Variants in MBD3 observed in about 807,000 individuals in gnomAD.
MBD3 encodes methyl-CpG-binding domain protein 3.
In MBD3, 13 loss-of-function variants were observed where a neutral mutation model predicts 31.2. The ratio of observed to expected loss-of-function variants is 0.42; its 90% CI spans 0.27 to 0.66. MBD3 has a LOEUF of 0.66. MBD3 is among the 30% of genes least tolerant of loss of function. The pLI, the probability that MBD3 is intolerant of heterozygous loss-of-function variation, is 0.26. For missense variants in MBD3, 440 were observed against 426.5 expected (o/e 1.03, Z -0.28); for synonymous variants, 223 against 187.4 (o/e 1.19, Z -1.55).
Position 1,574,657 on chromosome 19 carries a change from G to C in MBD3, c.*3507C>G, listed in dbSNP as rs572215586. 54 of 153,228 alleles carry C rather than the reference G, an allele frequency of 3.5e-4. No homozygotes were observed. Among genetic ancestry groups the C allele is most frequent in the African/African-American group, 1.2e-3 (49 of 41,580 alleles). The allele number at this position is 153,228 out of a possible 1,614,324, so 9.5% of individuals were successfully genotyped here. On this transcript the variant is annotated 3_prime_UTR_variant, in exon 7 of 7. Coordinates refer to ENST00000434436, the MANE Select transcript of MBD3 (RefSeq NM_001281453.2). ...CCTTGAATCTGGAGCGAGTGTGACA[G>C]AATCTCACAGGCAGTGCCCAGCCAC... is the stretch of plus-strand genomic sequence containing the variant.
At position 1,578,020 on chromosome 19, in the gene MBD3, C is replaced by G; in HGVS notation, c.*144G>C. The G allele has an allele frequency of 2.1e-6, 1 of 481,422 alleles. No individual in the cohort carries two copies. The highest frequency in any genetic ancestry group is 3.4e-5 in the Admixed American group (1 of 29,030). The allele number at this position is 481,422 out of a possible 1,614,324, so 29.8% of individuals were successfully genotyped here. Reference sequence around the variant, plus strand: ...CGAGGCCCCGGGAAGTGGGGACGGGCCGAGGAGGGAGCCAGGAGCACGGCC... The same window carrying G: ...CGAGGCCCCGGGAAGTGGGGACGGGGCGAGGAGGGAGCCAGGAGCACGGCC... On this transcript the variant is annotated 3_prime_UTR_variant, in exon 7 of 7. Transcript: ENST00000434436. This position sits in a 1 kb window ranked among gnomAD's most constrained non-coding sequence, Gnocchi z 6.1.
intron 4 of MBD3, 81 bp from the exon 5 acceptor site, chr19:1,581,350 C>A: frequency 2.1e-6 from 3 of 1,437,514 alleles, no homozygotes; most frequent in Non-Finnish European, 2.9e-6. Flanking sequence ...CGGAAATGCC[C>A]CAAGAATGGG....
At chr19:1,582,158 C>T (rs1599342310) in intron 4 of MBD3, among the ~76,000 whole-genome samples, 2 of 151,924 alleles carry the variant, frequency 1.3e-5, no homozygotes, top group East Asian at 1.9e-4. Context: ...TGCCCCAGCC[C>T]CGCCAAGTGC....
At chr19:1,579,791 A>AT (rs1202319267) in intron 5 of MBD3, among the ~76,000 whole-genome samples, 4 of 151,904 alleles carry the variant, frequency 2.6e-5, no homozygotes, top group African/African-American at 9.7e-5. Flanking sequence ...TTCTTATTTT[A>AT]TTTTTTTAAC....
In MBD3 at chr19:1,592,671, C is replaced by G. The variant is rs1233916840; in HGVS notation, c.-40G>C. 1.1e-6 allele frequency: 1 copy of G among 870,656 alleles called. No individual in the cohort carries two copies. Among genetic ancestry groups the G allele is most frequent in the Non-Finnish European group, 1.5e-6 (1 of 684,028 alleles). 53.9% of individuals were successfully genotyped at this position (870,656 alleles called of 1,614,324 possible). On this transcript the variant is annotated 5_prime_UTR_variant, in exon 1 of 7. Coordinates refer to ENST00000434436, the MANE Select transcript of MBD3 (RefSeq NM_001281453.2). Reference sequence around the variant, plus strand: ...CGGCCCGCCGCCGGGCCCGCCGCCGCCGCCCGGACCCCCACTCGCCGCCGC... The same window carrying G: ...CGGCCCGCCGCCGGGCCCGCCGCCGGCGCCCGGACCCCCACTCGCCGCCGC...
Position 1,585,358 on chromosome 19 carries a change from C to A in MBD3, c.111-144G>T. The A allele has an allele frequency of 1.1e-6, 1 of 875,618 alleles. No homozygotes were observed. Among genetic ancestry groups the A allele is most frequent in the South Asian group, 1.7e-5 (1 of 59,322 alleles). The allele number at this position is 875,618 out of a possible 1,614,324, so 54.2% of individuals were successfully genotyped here. On this transcript the variant is annotated intron_variant, in intron 1 of 6. Transcript: ENST00000434436. This position sits in a 1 kb window ranked among gnomAD's most constrained non-coding sequence, Gnocchi z 4.1. ...CCCCAACACGGCCCTGACCCCAAAC[C>A]CAGGCAGGCCCTGGCCCCAGCCCCA...
intron 2 of MBD3, 75 bp from the exon 3 acceptor site, chr19:1,584,752 GGTGACCCCCTGCTTTGCCGGCGCCCCTC>G: frequency 1.4e-6 from 2 of 1,475,038 alleles, no homozygotes; most frequent in Non-Finnish European, 1.8e-6. Context: ...GCGGGGCCCG[GGTGACCCCCTGCTTTGCCGGCGCCCCTC>G]GTGTCCCCCG....
In MBD3 at chr19:1,578,076, C is replaced by T. The variant is rs982605905; in HGVS notation, c.*88G>A. On this transcript the variant is annotated 3_prime_UTR_variant, in exon 7 of 7. Coordinates refer to ENST00000434436, the MANE Select transcript of MBD3 (RefSeq NM_001281453.2). The surrounding 1 kb of genome is among the most constrained non-coding windows in gnomAD (Gnocchi z 6.1). The stretch of plus-strand genomic sequence containing the variant: ...CCTGGGTGTCTCCAAGGCTGGGCTT[C>T]GCCGCCGAGCCTGGTTCACGTGGGG... 9 of 543,330 alleles carry T rather than the reference C, an allele frequency of 1.7e-5. No individual in the cohort carries two copies. The highest frequency in any genetic ancestry group is 5.9e-5 in the African/African-American group (3 of 51,036). The allele number at this position is 543,330 out of a possible 1,614,324, so 33.7% of individuals were successfully genotyped here. A position where few individuals can be genotyped will look rare whatever the true frequency, so the allele number is the denominator to read the frequency against.
At chr19:1,580,182 G>A (rs531915555) in intron 5 of MBD3, among the ~76,000 whole-genome samples, 16 of 152,194 alleles carry the variant, frequency 1.1e-4, no homozygotes, top group Admixed American at 2.6e-4. Context: ...CTCTGAGCGC[G>A]CAGAGAGTGT....
chr19:1,581,585 T>G (rs958146370), intron 4 of MBD3: 7 of 437,044 alleles, frequency 1.6e-5, no homozygotes, highest in African/African-American at 8.1e-5. Context: ...CTCTACAAAA[T>G]AATTCAAAAA....
rs765993045 is a variant in MBD3 at position 1,592,646 on chromosome 19, C to CGGCCCGCCGCCG, written c.-27_-16dup. ...TTCCGCTCCATTGCGCCCGGCTCCT[C>CGGCCCGCCGCCG]GGCCCGCCGCCGGGCCCGCCGCCGC... On this transcript the variant is annotated 5_prime_UTR_variant, in exon 1 of 7. Transcript: ENST00000434436. 31 of 1,181,528 alleles carry CGGCCCGCCGCCG rather than the reference C, an allele frequency of 2.6e-5. No individual in the cohort carries two copies. Among genetic ancestry groups the CGGCCCGCCGCCG allele is most frequent in the Non-Finnish European group, 3.4e-5 (31 of 920,222 alleles). The allele number at this position is 1,181,528 out of a possible 1,614,324, so 73.2% of individuals were successfully genotyped here.
In MBD3 at chr19:1,585,055, C is replaced by G; in HGVS notation, c.270G>C (p.Lys90Asn). 2 of 1,611,610 alleles carry G rather than the reference C, an allele frequency of 1.2e-6. No individual in the cohort carries two copies. Among genetic ancestry groups the G allele is most frequent in the African/African-American group, 2.7e-5 (2 of 75,024 alleles). The change falls in exon 2 of 7, where the codon AAG becomes AAC. Residue 90 changes from lysine to asparagine, a missense_variant and splice_region_variant. Around this residue, in one of 3 missense-constraint regions of MBD3, gnomAD observed 179 missense variants for 134.7 expected, o/e 1.33. Coordinates refer to ENST00000434436, the MANE Select transcript of MBD3 (RefSeq NM_001281453.2). This position sits in a 1 kb window ranked among gnomAD's most constrained non-coding sequence, Gnocchi z 4.1. ...TCACCTGCGTGACGCCACCACTCACCTTGACCTGGTTGGAGGAGTCGTAGC... is the reference window on the plus strand; with the variant it reads ...TCACCTGCGTGACGCCACCACTCACGTTGACCTGGTTGGAGGAGTCGTAGC... Reference protein sequence around the residue: ...RVRYDSSNQVKGKPDLNTALP... With the variant: ...RVRYDSSNQVNGKPDLNTALP...
In MBD3 at chr19:1,584,906, G is replaced by C. The variant is rs551295201; in HGVS notation, c.270+149C>G. The C allele has an allele frequency of 1.5e-5, 18 of 1,234,574 alleles. No individual in the cohort carries two copies. In the South Asian group the frequency reaches 2.4e-4, roughly 17 times the overall value. The allele number at this position is 1,234,574 out of a possible 1,614,324, so 76.5% of individuals were successfully genotyped here. ...CCATGCGCCTTGCGCTCTGCACCCT[G>C]TGGCCTGCGCCTTCCGCTCTGTGCC... is the stretch of plus-strand genomic sequence containing the variant. On this transcript the variant is annotated intron_variant, in intron 2 of 6. Transcript: ENST00000434436.
Position 1,584,670 on chromosome 19 carries a change from G to A in MBD3, c.278C>T (p.Pro93Leu), listed in dbSNP as rs2060669178. The change falls in exon 3 of 7, where the codon CCC becomes CTC. Residue 93 changes from proline (P) to leucine (L), a missense_variant. By Grantham distance (98) the Pro-to-Leu change is moderately conservative. This residue lies in a region of MBD3 where 144 missense variants were observed against 196.9 expected (regional missense o/e 0.73). Transcript: ENST00000434436. ...YDSSNQVKGK[P>L]DLNTALPVRQ... ...CACGGGCAGCGCCGTGTTCAGGTCG[G>A]GCTTGCCCTGCGGGAGGAAGGATAT... The A allele has an allele frequency of 6.2e-7, 1 of 1,611,794 alleles. No individual in the cohort carries two copies. The highest frequency in any genetic ancestry group is 1.1e-5 in the South Asian group (1 of 91,092).
chr19:1,584,804 C>T (rs1168804707), intron 2 of MBD3, 127 bp from the exon 3 acceptor site: 15 of 1,084,568 alleles, frequency 1.4e-5, no homozygotes, highest in Admixed American at 3.5e-5. Flanking sequence ...CCGCCAGGAC[C>T]CCCACGGTCC....
chr19:1,589,344 CAAAAAAAAAAA>C (rs35111393), intron 1 of MBD3, among the ~76,000 whole-genome samples: 2 of 65,658 alleles, frequency 3.0e-5, no homozygotes, highest in South Asian at 5.2e-4. Flanking sequence ...AACTCGGTCT[CAAAAAAAAAAA>C]AAAAAAAAAA....
chr19:1,578,720 C>T lies in MBD3; in HGVS notation c.678-182G>A, dbSNP rs1335762125. ...ATCCACGCAGAGAATGACCGGCTGC[C>T]GCTGGCCATCGCCAGCGTCCGCCAC... On this transcript the variant is annotated intron_variant, in intron 5 of 6. Transcript: ENST00000434436. This position sits in a 1 kb window ranked among gnomAD's most constrained non-coding sequence, Gnocchi z 6.1. Among the ~76,000 whole-genome samples the T allele has an allele frequency of 9.8e-5, 15 of 152,296 alleles. No homozygotes were observed. In the East Asian group the frequency reaches 1.9e-3, roughly 20 times the overall value.
chr19:1,591,864 G>C (rs146465665), intron 1 of MBD3: 1 of 152,162 alleles, frequency 6.6e-6, no homozygotes, highest in Non-Finnish European at 1.5e-5. Context: ...TCCACCACCA[G>C]TAACATCCAC....
In MBD3 at chr19:1,585,169, G is replaced by C; in HGVS notation, c.156C>G (p.Tyr52Ter). 1 of 1,608,798 alleles carries C rather than the reference G, an allele frequency of 6.2e-7. No individual in the cohort carries two copies. Among genetic ancestry groups the C allele is most frequent in the African/African-American group, 1.3e-5 (1 of 75,018 alleles). ...TGCTCAGGTCCATGGAGCCGCCCAGGTAGCGCGCCAGCTGCGGCTTGCTGC... is the reference window on the plus strand; with the variant it reads ...TGCTCAGGTCCATGGAGCCGCCCAGCTAGCGCGCCAGCTGCGGCTTGCTGC... Reference protein sequence around the residue: ...KFRSKPQLARYLGGSMDLSTF... With the variant: ...KFRSKPQLAR Residue 52 changes from tyrosine (Y) to a stop codon, truncating the protein, a stop_gained, in exon 2 of 7, where the codon TAC (tyrosine) becomes TAG (stop). Transcript: ENST00000434436. LOFTEE classifies it high-confidence loss of function. The surrounding 1 kb of genome is among the most constrained non-coding windows in gnomAD (Gnocchi z 4.1).
Sources: gnomAD v4.1 joint callset for allele counts (sites outside exome capture counted in the v4.1 genomes callset) on GRCh38, gnomAD v4.1.1 for gene constraint, gnomAD v4.1.1 regional missense constraint, Gnocchi (gnomAD v3.1) non-coding constraint, MANE v1.5 for transcripts, NCBI Gene and HGNC (gene_info 2026-07-23, HGNC 2026-07-21) for gene names.